The following DST variants were observed in gnomAD, a reference collection of about 807,000 sequenced individuals.
The protein encoded by DST is bullous pemphigoid antigen.
DST carries 253 observed loss-of-function variants against 875.2 expected under a neutral mutation model. The observed-to-expected ratio is 0.29, with a 90% CI of 0.26 to 0.32. DST has a LOEUF of 0.32. DST is among the 10% of genes least tolerant of loss of function. The pLI is 1.00. For missense variants in DST, 8,287 were observed against 9,111.6 expected (o/e 0.91, Z 3.68); for synonymous variants, 3,124 against 3,197.1 (o/e 0.98, Z 0.77).
At chr6:56,783,468 C>A (rs1226165477) in intron 4 of DST, among the ~76,000 whole-genome samples, 1 of 152,160 alleles carries the variant, frequency 6.6e-6, no homozygotes, top group Non-Finnish European at 1.5e-5. Context: ...GATCCCTTTA[C>A]CATTACGTAA....
chr6:56,615,597 C>G, intron 36 of DST: 3 of 1,614,124 alleles, frequency 1.9e-6, no homozygotes, highest in Non-Finnish European at 2.5e-6. Flanking sequence ...GTGTGGAAAT[C>G]AAAATCAGCT....
In DST at chr6:56,463,090, A is replaced by G. The variant is rs1297804924; in HGVS notation, c.23026T>C (p.Cys7676Arg). Residue 7676 changes from cysteine to arginine, a missense_variant, in exon 102 of 104, where the codon TGT becomes CGT. Transcript: ENST00000680361. ...AAGTCTGAGCACTCTGCTGCTTTAC[A>G]AGGAGTTGACATTTTGCTGTTTGTC... is the stretch of plus-strand genomic sequence containing the variant. The part of the protein sequence containing the change: ...WLTNSKMSTP[C>R]KAAECSDFPV... 6.2e-7 allele frequency: 1 copy of G among 1,613,780 alleles called. No homozygotes were observed. The highest frequency in any genetic ancestry group is 1.7e-5 in the Admixed American group (1 of 59,990).
Position 56,532,339 on chromosome 6 carries a change from G to C in DST, c.17108+5C>G, listed in dbSNP as rs756714828. On this transcript the variant is annotated splice_donor_5th_base_variant and intron_variant, in intron 64 of 103. Transcript: ENST00000680361. ...TTTCAAAAGAACTGGAAGTATATAA[G>C]TTACCTTGTTTCAGCTTTATTAAGC... is the stretch of plus-strand genomic sequence containing the variant. 6.2e-7 allele frequency: 1 copy of C among 1,612,854 alleles called. No homozygotes were observed. Among genetic ancestry groups the C allele is most frequent in the Non-Finnish European group, 8.5e-7 (1 of 1,179,444 alleles).
intron 9 of DST, among the ~76,000 whole-genome samples, chr6:56,684,737 C>T (rs1267550094): frequency 1.3e-5 from 2 of 152,184 alleles, no homozygotes; most frequent in African/African-American, 4.8e-5. Flanking sequence ...TCTCAGTGCA[C>T]CTACTGCCAG....
At chr6:56,845,090 T>TG (rs1335472942) in intron 4 of DST, among the ~76,000 whole-genome samples, 2 of 152,176 alleles carry the variant, frequency 1.3e-5, no homozygotes, top group Admixed American at 1.3e-4. Context: ...ATTTAGGAGG[T>TG]GGGGTCTCAC....
At chr6:56,513,612 C>T (rs1006017151) in intron 72 of DST, among the ~76,000 whole-genome samples, 7 of 152,194 alleles carry the variant, frequency 4.6e-5, no homozygotes, top group Non-Finnish European at 1.0e-4. Flanking sequence ...GATCCACCTG[C>T]CTCGGCCTCC....
chr6:56,718,477 C>G (rs971354800), intron 5 of DST, among the ~76,000 whole-genome samples: 2 of 152,204 alleles, frequency 1.3e-5, no homozygotes, highest in African/African-American at 4.8e-5. Context: ...AATGATGCAA[C>G]CATTTTGGAA....
intron 90 of DST, 121 bp from the exon 91 acceptor site, chr6:56,477,609 A>G: frequency 2.4e-6 from 3 of 1,259,932 alleles, no homozygotes; most frequent in Middle Eastern, 2.2e-4. Flanking sequence ...GTTTATTCAC[A>G]GTGAAAATCA....
intron 4 of DST, among the ~76,000 whole-genome samples, chr6:56,786,351 G>A (rs953749019): frequency 2.6e-5 from 4 of 152,172 alleles, no homozygotes; most frequent in African/African-American, 9.7e-5. Flanking sequence ...GCATTCTTCA[G>A]AATTTAACAC....
At chr6:56,512,091 T>G (rs182753479) in intron 72 of DST, among the ~76,000 whole-genome samples, 6 of 152,314 alleles carry the variant, frequency 3.9e-5, no homozygotes, top group Admixed American at 3.3e-4. Context: ...TATGAATGAA[T>G]CTATATTCAT....
chr6:56,769,074 C>G (rs1486800167), intron 4 of DST, among the ~76,000 whole-genome samples: 5 of 152,004 alleles, frequency 3.3e-5, no homozygotes, highest in African/African-American at 1.2e-4. Flanking sequence ...CCAAAATATA[C>G]AAAGAAATCT....
rs1199914491 is a variant in DST at position 56,650,988 on chromosome 6, C to T, written c.1372G>A (p.Val458Met). Residue 458 changes from valine (V) to methionine (M), a missense_variant, in exon 12 of 104, where the codon GTG becomes ATG. Val to Met is a conservative substitution (Grantham distance 21). Around this residue, in one of 10 missense-constraint regions of DST, gnomAD observed 1,160 missense variants for 1,424.3 expected, o/e 0.81. Coordinates refer to ENST00000680361, the MANE Select transcript of DST (RefSeq NM_001374736.1). ...GGAAATGCATCATAGAGAGATGACA[C>T]GTAAGTTATTACTGATTTTTCATCA... ...SPDEKSVITYVSSLYDAFPKV... is the reference protein window; with the variant it reads ...SPDEKSVITYMSSLYDAFPKV... The T allele has an allele frequency of 1.2e-6, 2 of 1,613,208 alleles. No homozygotes were observed. The highest frequency in any genetic ancestry group is 1.7e-6 in the Non-Finnish European group (2 of 1,179,422).
At chr6:56,555,869 A>C in intron 59 of DST, 29 bp from the exon 60 acceptor site, 1 of 1,446,438 alleles carries the variant, frequency 6.9e-7, no homozygotes, top group South Asian at 1.7e-5. Context: ...ACAAACGCAA[A>C]TTATTATATA....
chr6:56,565,660 C>T (rs2097662632), intron 55 of DST, among the ~76,000 whole-genome samples: 1 of 152,198 alleles, frequency 6.6e-6, no homozygotes, highest in South Asian at 2.1e-4. Flanking sequence ...GTCTTCCAGT[C>T]AGGAGGCACA....
Position 56,617,493 on chromosome 6 carries a change from CAT to C in DST, c.4930-3011_4930-3010del, listed in dbSNP as rs929912294. Reference sequence around the variant, plus strand: ...TCACTTTATCCATTCTCAATCCAAACATAATTCTTTGAATTACAAAGACAAGA... The same window carrying C: ...TCACTTTATCCATTCTCAATCCAAACAATTCTTTGAATTACAAAGACAAGA... On this transcript the variant is annotated intron_variant, in intron 36 of 103. Coordinates refer to ENST00000680361, the MANE Select transcript of DST (RefSeq NM_001374736.1). The C allele has an allele frequency of 5.3e-6, 7 of 1,323,878 alleles. No individual in the cohort carries two copies. The African/African-American group carries it at 1.0e-4, about 19-fold the overall frequency. 82.0% of individuals were successfully genotyped at this position (1,323,878 alleles called of 1,614,324 possible).
rs755317929 is a variant in DST, at chr6:56,851,498, T to C, written c.524A>G (p.Asp175Gly). 155 of 1,613,884 alleles carry C rather than the reference T, an allele frequency of 9.6e-5. No individual in the cohort carries two copies. The highest frequency in any genetic ancestry group is 1.3e-4 in the Non-Finnish European group (150 of 1,179,908). The stretch of plus-strand genomic sequence containing the variant: ...TTTAGGCAAATTCCAGGGTAAGGTG[T>C]CTCCCGGAGCTGGGGATGCGGAGCC... ...KSGSASPAPG[D>G]TLPWNLPKHE... Residue 175 changes from aspartate to glycine, a missense_variant, in exon 4 of 104, where the codon GAC becomes GGC. Around this residue, in one of 10 missense-constraint regions of DST, gnomAD observed 1,160 missense variants for 1,424.3 expected, o/e 0.81. Transcript: ENST00000680361.
At chr6:56,851,712 G>C in intron 3 of DST, 108 bp from the exon 4 acceptor site, 1 of 1,552,206 alleles carries the variant, frequency 6.4e-7, no homozygotes, top group Non-Finnish European at 8.7e-7. Context: ...CCCCCAAACT[G>C]GGTCTGGCAT....
chr6:56,771,015 GA>G (rs914468181), intron 4 of DST, among the ~76,000 whole-genome samples: 2 of 144,966 alleles, frequency 1.4e-5, no homozygotes, highest in Admixed American at 1.4e-4. Context: ...AAAAAAAAAA[GA>G]AAAATCCAGC....
At chr6:56,590,262 CAT>C (rs2098246741) in intron 49 of DST, among the ~76,000 whole-genome samples, 1 of 152,118 alleles carries the variant, frequency 6.6e-6, no homozygotes, top group African/African-American at 2.4e-5. Context: ...AATTTATCCA[CAT>C]ATCTGTTTAA....
Sources: allele counts gnomAD v4.1 joint callset (sites outside exome capture counted in the v4.1 genomes callset), GRCh38; gene constraint gnomAD v4.1.1; regional missense constraint gnomAD v4.1.1; transcripts MANE v1.5; gene names NCBI Gene and HGNC (gene_info 2026-07-23, HGNC 2026-07-21).